The following REM1 variants were observed in gnomAD, a reference collection of about 807,000 sequenced individuals.
The protein encoded by REM1 is RRAD and GEM like GTPase 1.
In REM1, 20 loss-of-function variants were observed where a neutral mutation model predicts 27.0. The observed-to-expected ratio is 0.74, with a 90% CI of 0.52 to 1.08. REM1 has a LOEUF of 1.08. REM1 is among the 50% of genes least tolerant of loss of function. The pLI, the probability that REM1 is intolerant of heterozygous loss-of-function variation, is 0.00. For synonymous variants in REM1, 159 were observed against 167.9 expected, an observed-to-expected ratio of 0.95 and a Z score of 0.41; for missense variants, 405 against 407.0, an observed-to-expected ratio of 1.00 and a Z score of 0.04.
chr20:31,477,012 A>T (rs1980537907), intron 2 of REM1, among the ~76,000 whole-genome samples: 1 of 152,150 alleles, frequency 6.6e-6, no homozygotes, highest in Admixed American at 6.5e-5. Context: ...TAGAACAAGA[A>T]TTTTGCCAAC....
Position 31,484,345 on chromosome 20 carries a change from T to C in REM1, c.812T>C (p.Phe271Ser). The change falls in exon 5 of 5, where the codon TTC (phenylalanine) becomes TCC (serine). Residue 271 changes from phenylalanine to serine, a missense_variant. Transcript: ENST00000201979. ...PASLAQRARR[F>S]LARLTARSAR... ...AGCCTAGCCCAGCGCGCTCGTCGCT[T>C]CCTGGCACGCCTGACAGCCCGCAGC... The C allele has an allele frequency of 3.2e-6, 5 of 1,563,620 alleles. No individual in the cohort carries two copies. Among genetic ancestry groups the C allele is most frequent in the Non-Finnish European group, 4.3e-6 (5 of 1,155,058 alleles).
chr20:31,476,214 C>T lies in REM1; in HGVS notation c.-219-13C>T. On this transcript the variant is annotated splice_polypyrimidine_tract_variant and intron_variant, in intron 1 of 4. Transcript: ENST00000201979. The stretch of plus-strand genomic sequence containing the variant: ...TCACAGCCTGCACACTCACTCCTTC[C>T]ATCCGGATCCAGGTTTATGCAGAGC... The T allele has an allele frequency of 1.9e-6, 1 of 524,972 alleles. No individual in the cohort carries two copies. Among genetic ancestry groups the T allele is most frequent in the African/African-American group, 1.9e-5 (1 of 52,634 alleles). 32.5% of individuals were successfully genotyped at this position (524,972 alleles called of 1,614,324 possible). A position where few individuals can be genotyped will look rare whatever the true frequency, so the allele number is the denominator to read the frequency against.
At position 31,476,231 on chromosome 20, in the gene REM1, A is replaced by T; in HGVS notation, c.-215A>T. On this transcript the variant is annotated 5_prime_UTR_variant, in exon 2 of 5. An upstream start codon of the reference 5' UTR is lost. Transcript: ENST00000201979. ...ACTCCTTCCATCCGGATCCAGGTTT[A>T]TGCAGAGCCTGAGGCCAGAAAACCT... 3 of 546,396 alleles carry T rather than the reference A, an allele frequency of 5.5e-6. No individual in the cohort carries two copies. Among genetic ancestry groups the T allele is most frequent in the Non-Finnish European group, 9.6e-6 (3 of 311,892 alleles). 33.8% of individuals were successfully genotyped at this position (546,396 alleles called of 1,614,324 possible). A position where few individuals can be genotyped will look rare whatever the true frequency, so the allele number is the denominator to read the frequency against.
rs746750334 is a variant in REM1, at chr20:31,476,575, C to G, written c.130C>G (p.Pro44Ala). ...STVPSTQSQH[P>A]RLGQSASLNP... ...AGTGCCTTCCACTCAATCCCAGCATCCCCGGCTGGGCCAATCAGCCTCCCT... is the reference window on the plus strand; with the variant it reads ...AGTGCCTTCCACTCAATCCCAGCATGCCCGGCTGGGCCAATCAGCCTCCCT... The change falls in exon 2 of 5, where the codon CCC (proline) becomes GCC (alanine). Residue 44 changes from proline to alanine, a missense_variant. Pro to Ala is a conservative substitution (Grantham distance 27, BLOSUM62 -1). Transcript: ENST00000201979. The G allele has an allele frequency of 6.2e-7, 1 of 1,614,188 alleles. No individual in the cohort carries two copies. Among genetic ancestry groups the G allele is most frequent in the Admixed American group, 1.7e-5 (1 of 60,024 alleles).
intron 2 of REM1, 41 bp downstream of exon 2, chr20:31,476,826 G>T (rs768557560): frequency 2.5e-5 from 38 of 1,521,602 alleles, no homozygotes; most frequent in Admixed American, 1.7e-4. Flanking sequence ...GGCCAAAGGA[G>T]CGAAAGCCCT....
intron 3 of REM1, among the ~76,000 whole-genome samples, chr20:31,478,921 G>A (rs186821210): frequency 3.5e-4 from 53 of 149,832 alleles, no homozygotes; most frequent in Middle Eastern, 7.0e-3. Context: ...TGCAACCTCC[G>A]CCTCCCAGGT....
intron 3 of REM1, among the ~76,000 whole-genome samples, chr20:31,481,000 C>T (rs1335311427): frequency 6.6e-6 from 1 of 152,132 alleles, no homozygotes; most frequent in African/African-American, 2.4e-5. Flanking sequence ...TGGCCGAGCA[C>T]GGTGGCTCAT....
Position 31,484,328 on chromosome 20 carries a change from C to G in REM1, c.795C>G (p.Ala265=), listed in dbSNP as rs532270804. The G allele has an allele frequency of 1.0e-5, 16 of 1,569,156 alleles. No individual in the cohort carries two copies. In the African/African-American group the frequency reaches 2.0e-4, roughly 20 times the overall value. Residue 265 remains alanine, a synonymous_variant, in exon 5 of 5, where the codon GCC becomes GCG. Transcript: ENST00000201979. Reference sequence around the variant, plus strand: ...CACCCCGACGGCCGGCCAGCCTAGCCCAGCGCGCTCGTCGCTTCCTGGCAC... The same window carrying G: ...CACCCCGACGGCCGGCCAGCCTAGCGCAGCGCGCTCGTCGCTTCCTGGCAC... ...PPAPRRPASL[A]QRARRFLARL...
At position 31,484,704 on chromosome 20, in the gene REM1, G is replaced by A; in HGVS notation, c.*274G>A. 1 of 459,506 alleles carries A rather than the reference G, an allele frequency of 2.2e-6. No homozygotes were observed. The highest frequency in any genetic ancestry group is 3.8e-6 in the Non-Finnish European group (1 of 263,200). 28.5% of individuals were successfully genotyped at this position (459,506 alleles called of 1,614,324 possible). A position where few individuals can be genotyped will look rare whatever the true frequency, so the allele number is the denominator to read the frequency against. ...TGTAAAAAAATCTTCCTTGTCCCTG[G>A]GCTCTGGCCAACCCTCAGAAACCCT... On this transcript the variant is annotated 3_prime_UTR_variant, in exon 5 of 5. Coordinates refer to ENST00000201979, the MANE Select transcript of REM1 (RefSeq NM_014012.6).
Position 31,480,238 on chromosome 20 carries a change from C to G in REM1, c.424-2049C>G, listed in dbSNP as rs201246583. Among the ~76,000 whole-genome samples the G allele has an allele frequency of 6.4e-3, 487 of 75,964 alleles. 2 individuals carry two copies. The highest frequency in any genetic ancestry group is 0.039 in the African/African-American group (400 of 10,268). The allele number at this position is 75,964 out of a possible 152,430, so 49.8% of individuals were successfully genotyped here. A position where few individuals can be genotyped will look rare whatever the true frequency, so the allele number is the denominator to read the frequency against. ...AGATAGATAGATAGATAGACAGATA[C>G]ATACATACACACATACATACATACA... On this transcript the variant is annotated intron_variant, in intron 3 of 4. Transcript: ENST00000201979.
chr20:31,484,300 C>T lies in REM1; in HGVS notation c.767C>T (p.Pro256Leu). 1 of 1,585,216 alleles carries T rather than the reference C, an allele frequency of 6.3e-7. No homozygotes were observed. The highest frequency in any genetic ancestry group is 8.6e-7 in the Non-Finnish European group (1 of 1,166,780). The change falls in exon 5 of 5, where the codon CCA becomes CTA. Residue 256 changes from proline to leucine, a missense_variant. Coordinates refer to ENST00000201979, the MANE Select transcript of REM1 (RefSeq NM_014012.6). ...RRRDSAAKEP[P>L]APRRPASLAQ... ...CGGGACAGTGCGGCCAAGGAACCCC[C>T]AGCACCCCGACGGCCGGCCAGCCTA... is the stretch of plus-strand genomic sequence containing the variant.
In REM1 at chr20:31,484,432, GC is replaced by G; in HGVS notation, c.*8del. On this transcript the variant is annotated 3_prime_UTR_variant, in exon 5 of 5. Coordinates refer to ENST00000201979, the MANE Select transcript of REM1 (RefSeq NM_014012.6). ...TGCCACAATCTGGCCGTGCTCTGAA[GC>G]CCCCCGCCCTTCTGAGAGTTGGCGG... 2.0e-6 allele frequency: 3 copies of G among 1,482,828 alleles called. No individual in the cohort carries two copies. Among genetic ancestry groups the G allele is most frequent in the South Asian group, 1.4e-5 (1 of 72,958 alleles). 91.9% of individuals were successfully genotyped at this position (1,482,828 alleles called of 1,614,324 possible).
At chr20:31,478,888 G>C (rs904602423) in intron 3 of REM1, among the ~76,000 whole-genome samples, 3 of 149,914 alleles carry the variant, frequency 2.0e-5, no homozygotes, top group Non-Finnish European at 3.0e-5. Context: ...AGGCTGGAGC[G>C]CAGTGGCGCC....
In REM1 at chr20:31,476,522, G is replaced by A. The variant is rs575294536; in HGVS notation, c.77G>A (p.Arg26Gln). ...RASTPLPLSP[R>Q]GHQPGRLSTV... ...AGCACCCCACTGCCCCTGTCCCCAC[G>A]GGGCCACCAGCCTGGCCGCCTGAGC... is the stretch of plus-strand genomic sequence containing the variant. The change falls in exon 2 of 5, where the codon CGG becomes CAG. Residue 26 changes from arginine (R) to glutamine (Q), a missense_variant. By Grantham distance (43) the Arg-to-Gln change is conservative (BLOSUM62 1). Transcript: ENST00000201979. 1.5e-5 allele frequency: 24 copies of A among 1,613,918 alleles called. No homozygotes were observed. Among genetic ancestry groups the A allele is most frequent in the African/African-American group, 1.1e-4 (8 of 75,010 alleles).
At chr20:31,479,855 C>T (rs771797757) in intron 3 of REM1, among the ~76,000 whole-genome samples, 3 of 151,956 alleles carry the variant, frequency 2.0e-5, no homozygotes, top group Non-Finnish European at 4.4e-5. Context: ...TTTGGGAGGC[C>T]GAGGTGGGCA....
intron 3 of REM1, among the ~76,000 whole-genome samples, chr20:31,481,266 C>T (rs2122478642): frequency 6.6e-6 from 1 of 152,088 alleles, no homozygotes; most frequent in Non-Finnish European, 1.5e-5. Flanking sequence ...GAGTAGGACT[C>T]CATCTCAAAA....
intron 3 of REM1, among the ~76,000 whole-genome samples, chr20:31,480,220 T>C (rs752565483): frequency 5.4e-5 from 7 of 128,506 alleles, no homozygotes; most frequent in African/African-American, 1.8e-4. Flanking sequence ...GATAGATAGA[T>C]AGATAGATAG....
chr20:31,475,947 C>T lies in REM1; in HGVS notation c.-219-280C>T, dbSNP rs1016873457. 6.6e-6 allele frequency among the ~76,000 whole-genome samples: 1 copy of T among 152,200 alleles called. No homozygotes were observed. The highest frequency in any genetic ancestry group is 2.4e-5 in the African/African-American group (1 of 41,454). On this transcript the variant is annotated intron_variant, in intron 1 of 4. Coordinates refer to ENST00000201979, the MANE Select transcript of REM1 (RefSeq NM_014012.6). The surrounding 1 kb of genome is among the most constrained non-coding windows in gnomAD (Gnocchi z 5.0). Reference sequence around the variant, plus strand: ...TACCCTTGGGGGAGACCTGAAACTGCACTCCCAACCCAGAAGCTGTGAAAG... The same window carrying T: ...TACCCTTGGGGGAGACCTGAAACTGTACTCCCAACCCAGAAGCTGTGAAAG...
chr20:31,484,148 C>G lies in REM1; in HGVS notation c.626-11C>G, dbSNP rs1254054376. On this transcript the variant is annotated splice_polypyrimidine_tract_variant and intron_variant, in intron 4 of 4. Transcript: ENST00000201979. ...GGCTCCACCCCTCCTCGCCGGGCCC[C>G]GCCCCCTTAGAGGGCCGCGCCTGCG... The G allele has an allele frequency of 6.4e-7, 1 of 1,563,720 alleles. No individual in the cohort carries two copies. The highest frequency in any genetic ancestry group is 8.7e-7 in the Non-Finnish European group (1 of 1,152,130).
Sources: gnomAD v4.1 joint callset for allele counts (sites outside exome capture counted in the v4.1 genomes callset) on GRCh38, gnomAD v4.1.1 for gene constraint, Gnocchi (gnomAD v3.1) non-coding constraint, MANE v1.5 for transcripts, NCBI Gene and HGNC (gene_info 2026-07-23, HGNC 2026-07-21) for gene names.